BBS12: variants seen among roughly 807,000 people sequenced by gnomAD.
BBS12 encodes chaperonin-containing T-complex member BBS12.
BBS12 carries 5 observed loss-of-function variants against 5.6 expected under a neutral mutation model. The observed-to-expected ratio is 0.89, with a 90% confidence interval of 0.46 to 1.86. BBS12 has a LOEUF of 1.86. Among genes scored for constraint, BBS12 ranks in the 40% most tolerant of loss-of-function variants. BBS12 has a pLI of 0.01. For missense variants in BBS12, 748 were observed against 830.4 expected (o/e 0.90, Z 1.22); for synonymous variants, 308 against 306.8 (o/e 1.00, Z -0.04).
the BBS12 span, among the ~76,000 whole-genome samples, chr4:122,704,222 A>G: frequency 4.6e-5 from 7 of 152,258 alleles, no homozygotes; most frequent in African/African-American, 1.7e-4. Flanking sequence ...AGGTAACAGT[A>G]AAACAGCAAA....
chr4:122,710,196 G>A, the BBS12 span, among the ~76,000 whole-genome samples: 1 of 152,126 alleles, frequency 6.6e-6, no homozygotes, highest in African/African-American at 2.4e-5. Context: ...GGACATTTTA[G>A]TGACTTCTTG....
At chr4:122,705,599 T>A in the BBS12 span, among the ~76,000 whole-genome samples, 13 of 152,236 alleles carry the variant, frequency 8.5e-5, no homozygotes, top group Admixed American at 8.5e-4. Flanking sequence ...GTGATTAAAT[T>A]AATCCTAGTT....
the BBS12 span, among the ~76,000 whole-genome samples, chr4:122,712,050 T>C: frequency 6.6e-6 from 1 of 152,208 alleles, no homozygotes; most frequent in Non-Finnish European, 1.5e-5. Flanking sequence ...TCACCAGTCT[T>C]TGGACTCAGG....
rs1057517193 is a variant in BBS12 at position 122,742,971 on chromosome 4, AG to A, written c.1082del (p.Gly361ValfsTer22). The A allele has an allele frequency of 1.2e-5, 19 of 1,614,104 alleles. No individual in the cohort carries two copies. Among genetic ancestry groups the A allele is most frequent in the Admixed American group, 5.0e-5 (3 of 60,004 alleles). On this transcript the variant is annotated frameshift_variant, in exon 2 of 2. Transcript: ENST00000314218. LOFTEE classifies it low-confidence loss of function (END_TRUNC). The stretch of plus-strand genomic sequence containing the variant: ...CAGCCTGTGCGAATAGTTCTCATTG[AG>A]GGTGACCTCACAGAGAATTACCGCC... ...QNQPVRIVLIEGDLTENYRHL... is the reference protein window; with the variant it reads ...QNQPVRIVLIXGDLTENYRHL...
chr4:122,704,335 T>C, the BBS12 span, among the ~76,000 whole-genome samples: 1 of 152,214 alleles, frequency 6.6e-6, no homozygotes, highest in Non-Finnish European at 1.5e-5. Context: ...ACAATAATCA[T>C]GCAGTTTTAA....
rs1409837279 is a variant in BBS12 at position 122,743,285 on chromosome 4, G to T, written c.1393G>T (p.Val465Leu). 1 of 1,614,254 alleles carries T rather than the reference G, an allele frequency of 6.2e-7. No homozygotes were observed. ...AYITQVNEDC[V>L]GDGVCVTFWR... is the part of the protein sequence containing the mutation. ...CATTACACAAGTGAATGAAGATTGT[G>T]TGGGCGACGGGGTCTGCGTGACCTT... is the stretch of plus-strand genomic sequence containing the variant. The change falls in exon 2 of 2, where the codon GTG (valine) becomes TTG (leucine). Residue 465 changes from valine (V) to leucine (L), a missense_variant. By Grantham distance (32) the Val-to-Leu change is conservative. Transcript: ENST00000314218.
chr4:122,718,712 G>GTGAAA, the BBS12 span, among the ~76,000 whole-genome samples: 25,685 of 146,192 alleles, frequency 0.18, 2,442 homozygotes, highest in East Asian at 0.38. Flanking sequence ...GGGATTCGAT[G>GTGAAA]TGAAATGAAA....
chr4:122,706,111 A>G, the BBS12 span, among the ~76,000 whole-genome samples: 1 of 152,086 alleles, frequency 6.6e-6, no homozygotes, highest in African/African-American at 2.4e-5. Flanking sequence ...ACCTGCCACT[A>G]TCTTTCAGGT....
the BBS12 span, among the ~76,000 whole-genome samples, chr4:122,706,135 CACA>C: frequency 2.0e-5 from 3 of 152,156 alleles, no homozygotes; most frequent in African/African-American, 2.4e-5. Context: ...TGTCCTCCCA[CACA>C]ACGTTTGTCT....
At chr4:122,717,400 T>C in the BBS12 span, among the ~76,000 whole-genome samples, 2 of 152,260 alleles carry the variant, frequency 1.3e-5, no homozygotes, top group Non-Finnish European at 2.9e-5. Flanking sequence ...TCTTTCTTTT[T>C]TTTTAAGTGC....
chr4:122,737,054 T>C (rs1425180143), intron 1 of BBS12, among the ~76,000 whole-genome samples: 2 of 152,226 alleles, frequency 1.3e-5, no homozygotes, highest in Non-Finnish European at 2.9e-5. Flanking sequence ...GGAAACTTTT[T>C]CACATAAATT....
At chr4:122,726,745 T>C in the BBS12 span, among the ~76,000 whole-genome samples, 2 of 152,210 alleles carry the variant, frequency 1.3e-5, no homozygotes, top group Non-Finnish European at 2.9e-5. Flanking sequence ...AATTGTCATA[T>C]ATATATAATA....
chr4:122,737,032 CT>C, intron 1 of BBS12, among the ~76,000 whole-genome samples: 1 of 152,136 alleles, frequency 6.6e-6, no homozygotes, highest in South Asian at 2.1e-4. Context: ...AATTTCATGC[CT>C]TTTGTATCTA....
the BBS12 span, among the ~76,000 whole-genome samples, chr4:122,714,905 A>G: frequency 6.6e-6 from 1 of 152,170 alleles, no homozygotes; most frequent in Admixed American, 6.5e-5. Flanking sequence ...GTACATGCTT[A>G]TCATGACAAT....
chr4:122,713,626 T>C, the BBS12 span, among the ~76,000 whole-genome samples: 2 of 152,230 alleles, frequency 1.3e-5, no homozygotes, highest in Admixed American at 1.3e-4. Context: ...AACTCTATCC[T>C]ATGTCATTGA....
chr4:122,703,641 TTCTG>T, the BBS12 span, among the ~76,000 whole-genome samples: 1 of 152,198 alleles, frequency 6.6e-6, no homozygotes, highest in African/African-American at 2.4e-5. Flanking sequence ...CCCTTGGTGC[TTCTG>T]TCTCTGTTGG....
rs139467887 is a variant in BBS12 at position 122,738,248 on chromosome 4, G to T, written c.-10-3635G>T. ...TTCTTTTTTTTTGAGACAGAGTCTC[G>T]CTCTGTTGCCCAGGTTGGAGTGTGC... On this transcript the variant is annotated intron_variant, in intron 1 of 1. Transcript: ENST00000314218. Among the ~76,000 whole-genome samples, 567 of 151,906 alleles carry T rather than the reference G, an allele frequency of 3.7e-3. 10 individuals carry two copies. Among genetic ancestry groups the T allele is most frequent in the African/African-American group, 0.012 (509 of 41,416 alleles).
rs201227132 is a variant in BBS12, at chr4:122,742,715, T to G, written c.823T>G (p.Leu275Val). 2.4e-5 allele frequency: 38 copies of G among 1,614,264 alleles called. No homozygotes were observed. The highest frequency in any genetic ancestry group is 3.0e-5 in the Non-Finnish European group (35 of 1,180,044). The change falls in exon 2 of 2, where the codon TTG (leucine) becomes GTG (valine). Residue 275 changes from leucine (L) to valine (V), a missense_variant. By Grantham distance (32) the Leu-to-Val change is conservative. Transcript: ENST00000314218. ...CNDLVELAVG[L>V]SHGDHSSMKL... ...TGATTTGGTAGAGTTGGCAGTAGGC[T>G]TGAGTCATGGAGATCACAGCAGCAT...
At chr4:122,719,316 C>G in the BBS12 span, among the ~76,000 whole-genome samples, 1 of 152,104 alleles carries the variant, frequency 6.6e-6, no homozygotes, top group African/African-American at 2.4e-5. Context: ...TAAAATGGAC[C>G]AATCAGCAGG....
Sources: allele counts gnomAD v4.1 joint callset (sites outside exome capture counted in the v4.1 genomes callset), GRCh38; gene constraint gnomAD v4.1.1; transcripts MANE v1.5; gene names NCBI Gene and HGNC (gene_info 2026-07-23, HGNC 2026-07-21).